The following FGGY variants were observed in gnomAD, a reference collection of about 807,000 sequenced individuals.
FGGY encodes FGGY carbohydrate kinase domain containing.
A neutral mutation model predicts 71.3 loss-of-function variants in FGGY; 72 were observed. The ratio of observed to expected loss-of-function variants is 1.01; its 90% confidence interval spans 0.84 to 1.23. The LOEUF (loss-of-function observed/expected upper bound fraction) is 1.23, where lower values mean the gene tolerates loss of function less well. FGGY is among the 50% of genes most tolerant of loss of function. The pLI is 0.00. For missense variants in FGGY, 668 were observed against 682.3 expected (o/e 0.98, Z 0.23); for synonymous variants, 251 against 250.3 (o/e 1.00, Z -0.02).
intron 4 of FGGY, among the ~76,000 whole-genome samples, chr1:59,374,953 A>G (rs1032728788): frequency 5.3e-5 from 8 of 150,662 alleles, no homozygotes; most frequent in African/African-American, 1.9e-4. Flanking sequence ...ATTGTGAGAT[A>G]TACCTAATGC....
intron 6 of FGGY, among the ~76,000 whole-genome samples, chr1:59,466,060 C>G (rs1406907611): frequency 6.6e-6 from 1 of 152,048 alleles, no homozygotes; most frequent in Non-Finnish European, 1.5e-5. Flanking sequence ...CAATCCTAAG[C>G]AAAAAGAAAA....
intron 12 of FGGY, among the ~76,000 whole-genome samples, chr1:59,661,344 T>C (rs1322419638): frequency 1.3e-5 from 2 of 152,214 alleles, no homozygotes; most frequent in Non-Finnish European, 2.9e-5. Context: ...ATAATACTAA[T>C]ACTGAAGGGA....
In FGGY at chr1:59,746,213, T is replaced by C. The variant is rs140921211; in HGVS notation, c.1513-11718T>C. ...TGCAGGGGAGACATGTGTCATTGTA[T>C]CTCCATCATTAGGTGGCATAAACCT... On this transcript the variant is annotated intron_variant, in intron 14 of 15. Coordinates refer to ENST00000303721, the MANE Select transcript of FGGY (RefSeq NM_018291.5). Among the ~76,000 whole-genome samples, 123 of 152,284 alleles carry C rather than the reference T, an allele frequency of 8.1e-4. 1 individual carries two copies. Among genetic ancestry groups the C allele is most frequent in the African/African-American group, 2.8e-3 (115 of 41,566 alleles).
In FGGY at chr1:59,727,743, A is replaced by G. The variant is rs570975183; in HGVS notation, c.1513-30188A>G. The stretch of plus-strand genomic sequence containing the variant: ...AGAAAAGAGCCTGAATAGCCAAAGC[A>G]GTTCTAAGCAAAAAGAACAAGGCCA... On this transcript the variant is annotated intron_variant, in intron 14 of 15. Transcript: ENST00000303721. Among the ~76,000 whole-genome samples the G allele has an allele frequency of 2.6e-5, 4 of 152,310 alleles. No individual in the cohort carries two copies. The South Asian group carries it at 6.2e-4, about 24-fold the overall frequency.
intron 14 of FGGY, among the ~76,000 whole-genome samples, chr1:59,682,498 C>T (rs967177437): frequency 2.0e-5 from 3 of 152,152 alleles, no homozygotes; most frequent in Admixed American, 2.0e-4. Flanking sequence ...ATGTGACCCT[C>T]GGGTTTGTAA....
intron 8 of FGGY, among the ~76,000 whole-genome samples, chr1:59,566,074 T>C (rs977065487): frequency 6.6e-6 from 1 of 152,162 alleles, no homozygotes; most frequent in Non-Finnish European, 1.5e-5. Context: ...TGATTTTTTT[T>C]TTCCTTTTCC....
chr1:59,694,152 A>T (rs907059634), intron 14 of FGGY, among the ~76,000 whole-genome samples: 3 of 143,788 alleles, frequency 2.1e-5, no homozygotes, highest in Non-Finnish European at 3.0e-5. Flanking sequence ...AGCTGGGCAC[A>T]GTGGCGGGCG....
At chr1:59,436,141 A>G (rs918924196) in intron 5 of FGGY, among the ~76,000 whole-genome samples, 6 of 152,034 alleles carry the variant, frequency 3.9e-5, no homozygotes, top group African/African-American at 1.2e-4. Flanking sequence ...CCCCTGTAGC[A>G]CTTCTAGCCT....
chr1:59,718,420 C>G (rs747493539), intron 14 of FGGY, among the ~76,000 whole-genome samples: 1 of 152,160 alleles, frequency 6.6e-6, no homozygotes, highest in Admixed American at 6.5e-5. Context: ...GACGGTGACT[C>G]CCTCCAGGAG....
At chr1:59,340,701 G>A (rs2050488318) in intron 3 of FGGY, among the ~76,000 whole-genome samples, 1 of 152,120 alleles carries the variant, frequency 6.6e-6, no homozygotes, top group Non-Finnish European at 1.5e-5. Flanking sequence ...GGGAATTTTA[G>A]CCAATAACGT....
At chr1:59,401,469 A>G (rs1263325917) in intron 5 of FGGY, among the ~76,000 whole-genome samples, 1 of 152,218 alleles carries the variant, frequency 6.6e-6, no homozygotes, top group Admixed American at 6.5e-5. Context: ...GAAATAGGCA[A>G]TGCCAGAGAC....
At chr1:59,578,498 T>G (rs902390341) in intron 8 of FGGY, among the ~76,000 whole-genome samples, 7 of 151,990 alleles carry the variant, frequency 4.6e-5, no homozygotes, top group African/African-American at 1.7e-4. Flanking sequence ...CTTCTTGAAG[T>G]GTGTATACGC....
chr1:59,472,176 G>C (rs988048785), intron 6 of FGGY, among the ~76,000 whole-genome samples: 27 of 152,358 alleles, frequency 1.8e-4, no homozygotes, highest in African/African-American at 6.5e-4. Context: ...TTGCGGGCCA[G>C]CGTGAGTTCC....
chr1:59,712,718 A>G (rs908148234), intron 14 of FGGY, among the ~76,000 whole-genome samples: 13 of 152,126 alleles, frequency 8.5e-5, no homozygotes, highest in African/African-American at 3.1e-4. Context: ...ACCAAGTCCT[A>G]GGCTGCACAC....
intron 8 of FGGY, among the ~76,000 whole-genome samples, chr1:59,573,923 G>A (rs554075813): frequency 4.9e-4 from 74 of 152,250 alleles, no homozygotes; most frequent in African/African-American, 1.7e-3. Flanking sequence ...CTACTACATA[G>A]CATATTTCCA....
At chr1:59,660,387 C>A in intron 12 of FGGY, 94 bp downstream of exon 12, 2 of 872,736 alleles carry the variant, frequency 2.3e-6, no homozygotes, top group Non-Finnish European at 3.5e-6. Context: ...GCTTTTGTGA[C>A]AGAGATTCTT....
chr1:59,414,477 C>T (rs1422933317), intron 5 of FGGY, among the ~76,000 whole-genome samples: 1 of 152,178 alleles, frequency 6.6e-6, no homozygotes, highest in African/African-American at 2.4e-5. Flanking sequence ...TGTGAGGCAG[C>T]ATTAAGGTGG....
intron 14 of FGGY, among the ~76,000 whole-genome samples, chr1:59,684,786 T>C (rs2097531742): frequency 1.3e-5 from 2 of 152,200 alleles, no homozygotes; most frequent in Non-Finnish European, 2.9e-5. Flanking sequence ...GCTAGCTGTG[T>C]GAACACACCT....
At chr1:59,305,103 G>A (rs1557486259) in intron 1 of FGGY, among the ~76,000 whole-genome samples, 1 of 152,122 alleles carries the variant, frequency 6.6e-6, no homozygotes, top group Non-Finnish European at 1.5e-5. Context: ...GTGCTGAATA[G>A]TAGTGGTAAG....
Sources: gnomAD v4.1 joint callset for allele counts (sites outside exome capture counted in the v4.1 genomes callset) on GRCh38, gnomAD v4.1.1 for gene constraint, MANE v1.5 for transcripts, NCBI Gene and HGNC (gene_info 2026-07-23, HGNC 2026-07-21) for gene names.